ZNF567: variants seen among roughly 807,000 people sequenced by gnomAD.
ZNF567 encodes the protein zinc finger protein 567.
ZNF567 carries 36 observed loss-of-function variants against 53.9 expected under a neutral mutation model. The ratio of observed to expected loss-of-function variants is 0.67; its 90% confidence interval spans 0.51 to 0.88. ZNF567 has a LOEUF of 0.88. Ranked by LOEUF, ZNF567 falls within the 40% of genes least tolerant of loss-of-function variation. ZNF567 has a pLI of 0.00. For missense variants in ZNF567, 619 were observed against 764.7 expected, an observed-to-expected ratio of 0.81 and a Z score of 2.25; for synonymous variants, 224 against 260.4, an observed-to-expected ratio of 0.86 and a Z score of 1.35.
intron 2 of ZNF567, among the ~76,000 whole-genome samples, chr19:36,692,479 C>T (rs2038667910): frequency 6.6e-6 from 1 of 152,052 alleles, no homozygotes; most frequent in South Asian, 2.1e-4. Flanking sequence ...CTTAAGTGAC[C>T]CTCCTGCCTC....
In ZNF567 at chr19:36,704,457, ATCTAT is replaced by A. The variant is rs1259650302; in HGVS notation, c.10-7927_10-7923del. Reference sequence around the variant, plus strand: ...CAAAAAACAAAAAAAGTGTTTCTTCATCTATTGGTTTTTCACATTATATGGCTTTT... The same window carrying A: ...CAAAAAACAAAAAAAGTGTTTCTTCATGGTTTTTCACATTATATGGCTTTT... On this transcript the variant is annotated intron_variant, in intron 3 of 5. Coordinates refer to ENST00000682579, the MANE Select transcript of ZNF567 (RefSeq NM_001322917.1). Among the ~76,000 whole-genome samples, 3 of 152,170 alleles carry A rather than the reference ATCTAT, an allele frequency of 2.0e-5. No individual in the cohort carries two copies. The East Asian group carries it at 5.8e-4, about 29-fold the overall frequency.
intron 3 of ZNF567, among the ~76,000 whole-genome samples, chr19:36,710,796 G>A (rs149215158): frequency 1.5e-4 from 23 of 152,222 alleles, no homozygotes; most frequent in African/African-American, 5.5e-4. Context: ...AATCCCGTAA[G>A]CCTTAAATTT....
intron 2 of ZNF567, among the ~76,000 whole-genome samples, chr19:36,692,957 C>T (rs1178529402): frequency 6.6e-6 from 1 of 152,112 alleles, no homozygotes; most frequent in Non-Finnish European, 1.5e-5. Context: ...CATACCTGCC[C>T]CTGTGAGCCA....
intron 5 of ZNF567, among the ~76,000 whole-genome samples, chr19:36,715,509 A>ATTATTATTATT (rs1568711570): frequency 8.7e-5 from 4 of 45,824 alleles, no homozygotes; most frequent in East Asian, 9.9e-4. Flanking sequence ...TAATAATAAT[A>ATTATTATTATT]ATTATTATTA....
At chr19:36,708,137 G>A (rs556325322) in intron 3 of ZNF567, among the ~76,000 whole-genome samples, 31 of 152,110 alleles carry the variant, frequency 2.0e-4, no homozygotes, top group Non-Finnish European at 2.9e-4. Flanking sequence ...TGATCTTCCT[G>A]TCTCAGCTTC....
At chr19:36,676,698 A>C in the ZNF567 span, among the ~76,000 whole-genome samples, 4 of 152,306 alleles carry the variant, frequency 2.6e-5, no homozygotes, top group African/African-American at 9.6e-5. Context: ...GGATGTAACT[A>C]TAAGGATGTG....
downstream of ZNF567, among the ~76,000 whole-genome samples, chr19:36,725,205 T>C (rs1180328916): frequency 6.6e-6 from 1 of 152,134 alleles, no homozygotes; most frequent in Admixed American, 6.6e-5. Flanking sequence ...TTTTATTTAA[T>C]TTTATTTTAT....
chr19:36,702,535 C>T (rs2039255983), intron 3 of ZNF567, among the ~76,000 whole-genome samples: 1 of 152,074 alleles, frequency 6.6e-6, no homozygotes, highest in African/African-American at 2.4e-5. Context: ...AACTTGGTTC[C>T]ATTCTCCCTG....
intron 3 of ZNF567, chr19:36,711,770 G>T (rs2039799433): frequency 6.6e-6 from 1 of 152,246 alleles, no homozygotes; most frequent in Non-Finnish European, 1.5e-5. Flanking sequence ...TTGCAAGTAT[G>T]TGTTACATGC....
chr19:36,702,293 C>T lies in ZNF567; in HGVS notation c.9+7417C>T, dbSNP rs532859452. On this transcript the variant is annotated intron_variant, in intron 3 of 5. Transcript: ENST00000682579. ...CTTGTAGAGTTTCTGGCGAGAGATCCGCTGTTAGTCTGATGGGCTTCCCTT... is the reference window on the plus strand; with the variant it reads ...CTTGTAGAGTTTCTGGCGAGAGATCTGCTGTTAGTCTGATGGGCTTCCCTT... Among the ~76,000 whole-genome samples, 17 of 152,192 alleles carry T rather than the reference C, an allele frequency of 1.1e-4. No homozygotes were observed. The East Asian group carries it at 1.7e-3, about 16-fold the overall frequency.
At chr19:36,679,797 T>C in the ZNF567 span, among the ~76,000 whole-genome samples, 2 of 150,740 alleles carry the variant, frequency 1.3e-5, no homozygotes, top group Admixed American at 6.6e-5. Context: ...AAGTAGAGAG[T>C]AGGAGGGTGG....
At chr19:36,673,503 A>G in the ZNF567 span, among the ~76,000 whole-genome samples, 4 of 152,216 alleles carry the variant, frequency 2.6e-5, no homozygotes, top group Non-Finnish European at 5.9e-5. Context: ...TTAATAGTAC[A>G]AAGGCTAATG....
the ZNF567 span, among the ~76,000 whole-genome samples, chr19:36,667,058 G>A: frequency 2.0e-5 from 3 of 152,156 alleles, no homozygotes; most frequent in African/African-American, 4.8e-5. Flanking sequence ...CCCTCAAGGC[G>A]GCCTCCGCGG....
chr19:36,707,617 G>A (rs1375074283), intron 3 of ZNF567, among the ~76,000 whole-genome samples: 1 of 151,800 alleles, frequency 6.6e-6, no homozygotes, highest in Non-Finnish European at 1.5e-5. Flanking sequence ...TACTCTTGTC[G>A]CTCAGGCTAG....
the ZNF567 span, among the ~76,000 whole-genome samples, chr19:36,672,074 A>G: frequency 1.3e-5 from 2 of 152,224 alleles, no homozygotes; most frequent in Non-Finnish European, 2.9e-5. Flanking sequence ...ATGGTTCTGC[A>G]TGATAGACAG....
At chr19:36,674,680 A>AT in the ZNF567 span, among the ~76,000 whole-genome samples, 9 of 151,972 alleles carry the variant, frequency 5.9e-5, no homozygotes, top group Non-Finnish European at 1.2e-4. Context: ...CCAAATTAAT[A>AT]TTTTTTTTAA....
At chr19:36,684,404 AAATAAT>A (rs996118673), upstream of ZNF567, among the ~76,000 whole-genome samples, 24 of 152,144 alleles carry the variant, frequency 1.6e-4, no homozygotes, top group African/African-American at 5.8e-4. Flanking sequence ...AGAGCAGAAA[AAATAAT>A]AATAAAAGGA....
intron 3 of ZNF567, among the ~76,000 whole-genome samples, chr19:36,698,800 C>A (rs1351161445): frequency 6.6e-6 from 1 of 152,030 alleles, no homozygotes; most frequent in Non-Finnish European, 1.5e-5. Context: ...TGTTTGAGTT[C>A]ATTATAGATT....
At position 36,703,981 on chromosome 19, in the gene ZNF567, G is replaced by A. The variant is rs553096915; in HGVS notation, c.10-8405G>A. ...TGGCACTCCCTAGTGAGATGAACCC[G>A]GTACCTCAGATGGAAATGCAGAAAT... On this transcript the variant is annotated intron_variant, in intron 3 of 5. Transcript: ENST00000682579. Among the ~76,000 whole-genome samples, 78 of 152,296 alleles carry A rather than the reference G, an allele frequency of 5.1e-4. 1 individual carries two copies. The highest frequency in any genetic ancestry group is 1.7e-3 in the African/African-American group (69 of 41,568).
Sources: allele counts gnomAD v4.1 joint callset (sites outside exome capture counted in the v4.1 genomes callset), GRCh38; gene constraint gnomAD v4.1.1; transcripts MANE v1.5; gene names NCBI Gene and HGNC (gene_info 2026-07-23, HGNC 2026-07-21).